ORC5: variants seen among roughly 807,000 people sequenced by gnomAD.
ORC5 encodes origin recognition complex subunit 5.
ORC5 carries 39 observed loss-of-function variants against 58.8 expected under a neutral mutation model. The observed-to-expected ratio is 0.66, with a 90% CI of 0.51 to 0.87. The LOEUF is 0.87. Ranked by LOEUF, ORC5 falls within the 40% of genes least tolerant of loss-of-function variation. The pLI is 0.00. For synonymous variants in ORC5, 218 were observed against 177.6 expected, an observed-to-expected ratio of 1.23 and a Z score of -1.81; for missense variants, 493 against 506.3, an observed-to-expected ratio of 0.97 and a Z score of 0.25.
At chr7:104,202,109 A>C (rs184771470) in intron 2 of ORC5, among the ~76,000 whole-genome samples, 70 of 151,944 alleles carry the variant, frequency 4.6e-4, no homozygotes, top group African/African-American at 1.5e-3. Context: ...CAAAACAAAA[A>C]AAACTAGCCC....
intron 5 of ORC5, among the ~76,000 whole-genome samples, chr7:104,194,597 G>A (rs573557656): frequency 6.9e-4 from 105 of 152,108 alleles, no homozygotes; most frequent in Non-Finnish European, 8.4e-4. Flanking sequence ...GGTACTGTAT[G>A]AGTTACAGTA....
chr7:104,137,626 CAGA>C (rs1310799985), intron 12 of ORC5, among the ~76,000 whole-genome samples: 1 of 152,102 alleles, frequency 6.6e-6, no homozygotes, highest in Non-Finnish European at 1.5e-5. Flanking sequence ...AATACACTGG[CAGA>C]AGAACAAGCA....
intron 1 of ORC5, 58 bp downstream of exon 1, chr7:104,207,775 T>C (rs1701117457): frequency 4.0e-6 from 6 of 1,518,902 alleles, no homozygotes; most frequent in Admixed American, 1.7e-5. Context: ...TTGGAACAGG[T>C]CGCAAGACTA....
At chr7:104,154,983 G>C in intron 12 of ORC5, among the ~76,000 whole-genome samples, 1 of 151,724 alleles carries the variant, frequency 6.6e-6, no homozygotes, top group Non-Finnish European at 1.5e-5. Flanking sequence ...TTTCATAGAT[G>C]AAACAACTAA....
intron 11 of ORC5, among the ~76,000 whole-genome samples, chr7:104,161,437 C>T (rs757090657): frequency 5.9e-5 from 9 of 152,118 alleles, no homozygotes; most frequent in Admixed American, 5.9e-4. Flanking sequence ...GCAATCATGG[C>T]TCACTACAGC....
intron 13 of ORC5, among the ~76,000 whole-genome samples, chr7:104,134,240 T>C (rs1360384070): frequency 5.9e-5 from 9 of 151,748 alleles, no homozygotes; most frequent in African/African-American, 1.5e-4. Flanking sequence ...CTGGCCAACA[T>C]GGTGAAACTC....
At chr7:104,176,323 T>C (rs1799320419) in intron 8 of ORC5, among the ~76,000 whole-genome samples, 1 of 152,160 alleles carries the variant, frequency 6.6e-6, no homozygotes, top group Non-Finnish European at 1.5e-5. Context: ...ATAAATAAGC[T>C]AGTTATCTGG....
chr7:104,173,222 G>A (rs941317850), intron 8 of ORC5, among the ~76,000 whole-genome samples: 1 of 152,192 alleles, frequency 6.6e-6, no homozygotes, highest in Non-Finnish European at 1.5e-5. Context: ...ACTCCGAACT[G>A]GTACCACCTT....
chr7:104,134,255 TCTG>T (rs2115741087), intron 13 of ORC5, among the ~76,000 whole-genome samples: 1 of 151,674 alleles, frequency 6.6e-6, no homozygotes, highest in Non-Finnish European at 1.5e-5. Flanking sequence ...AAACTCTGTC[TCTG>T]CTAAAAATTA....
intron 2 of ORC5, 76 bp downstream of exon 2, chr7:104,204,066 G>T: frequency 1.4e-6 from 1 of 705,406 alleles, no homozygotes; most frequent in Non-Finnish European, 2.3e-6. Flanking sequence ...TTTTGCATTT[G>T]TGGAGATTCA....
chr7:104,197,997 A>C (rs1799843127), intron 3 of ORC5, among the ~76,000 whole-genome samples, 198 bp from the exon 4 acceptor site: 1 of 152,156 alleles, frequency 6.6e-6, no homozygotes. Flanking sequence ...ATTGTTATCA[A>C]GGGAGTGGGT....
chr7:104,204,005 A>G (rs936200895), intron 2 of ORC5, 137 bp downstream of exon 2: 4 of 507,210 alleles, frequency 7.9e-6, no homozygotes, highest in Non-Finnish European at 1.4e-5. Context: ...TAGACCATTC[A>G]TGGAGAAAGA....
intron 1 of ORC5, among the ~76,000 whole-genome samples, chr7:104,205,419 T>C (rs1218953079): frequency 2.0e-5 from 3 of 152,136 alleles, no homozygotes; most frequent in African/African-American, 7.2e-5. Flanking sequence ...TTTAAATAAT[T>C]ACAAGAAAAT....
chr7:104,150,157 T>G (rs920377199), intron 12 of ORC5, among the ~76,000 whole-genome samples: 1 of 152,230 alleles, frequency 6.6e-6, no homozygotes, highest in Non-Finnish European at 1.5e-5. Flanking sequence ...AAACTGTTAT[T>G]TCTGCCAACA....
intron 12 of ORC5, among the ~76,000 whole-genome samples, chr7:104,159,172 C>T (rs546656117): frequency 0.026 from 3,775 of 146,512 alleles, 161 homozygotes; most frequent in African/African-American, 0.097. Flanking sequence ...TTCATGTCCT[C>T]TGTAGGGACA....
At chr7:104,190,640 T>C (rs865934685) in intron 5 of ORC5, among the ~76,000 whole-genome samples, 3 of 152,118 alleles carry the variant, frequency 2.0e-5, no homozygotes, top group Admixed American at 6.6e-5. Context: ...AGGAATCAAT[T>C]AGTCATTCAT....
At chr7:104,149,614 G>A (rs989581212) in intron 12 of ORC5, among the ~76,000 whole-genome samples, 3 of 152,092 alleles carry the variant, frequency 2.0e-5, no homozygotes, top group African/African-American at 7.2e-5. Flanking sequence ...GTTTTCCACT[G>A]ATGTTTTTCC....
chr7:104,201,085 A>G (rs1799932329), intron 2 of ORC5, 127 bp from the exon 3 acceptor site: 1 of 688,918 alleles, frequency 1.5e-6, no homozygotes, highest in Admixed American at 2.8e-5. Context: ...ATGCCCCAAG[A>G]GCCTGACAGC....
At chr7:104,184,379 T>TTG (rs1799499227) in intron 6 of ORC5, 1 of 554,142 alleles carries the variant, frequency 1.8e-6, no homozygotes, top group African/African-American at 1.9e-5. Flanking sequence ...GCCCAGGAGA[T>TTG]CAAGCCTGTA....
Sources: gnomAD v4.1 joint callset for allele counts (sites outside exome capture counted in the v4.1 genomes callset) on GRCh38, gnomAD v4.1.1 for gene constraint, MANE v1.5 for transcripts, NCBI Gene and HGNC (gene_info 2026-07-23, HGNC 2026-07-21) for gene names.